SPIDR: variants seen among roughly 807,000 people sequenced by gnomAD.
SPIDR encodes the protein scaffold protein involved in DNA repair, also known as DNA repair-scaffolding protein.
Under a neutral mutation model 104.6 loss-of-function variants are expected in SPIDR, and 93 were observed. The ratio of observed to expected loss-of-function variants is 0.89; its 90% CI spans 0.75 to 1.06. The LOEUF is 1.06. SPIDR is among the 50% of genes least tolerant of loss of function. The probability of loss-of-function intolerance (pLI) is 0.00; values close to 1 mark genes in which losing one functional copy is unlikely to be tolerated. For synonymous variants in SPIDR, 431 were observed against 416.9 expected, an observed-to-expected ratio of 1.03 and a Z score of -0.41; for missense variants, 1,154 against 1,111.2, an observed-to-expected ratio of 1.04 and a Z score of -0.55.
At chr8:47,284,804 C>A (rs2154229423) in intron 3 of SPIDR, among the ~76,000 whole-genome samples, 1 of 152,302 alleles carries the variant, frequency 6.6e-6, no homozygotes, top group African/African-American at 2.4e-5. Flanking sequence ...AAACGGTCAC[C>A]TCCACTAAAG....
chr8:47,284,027 G>A lies in SPIDR; in HGVS notation c.190-1G>A, dbSNP rs1034572201. The A allele has an allele frequency of 1.2e-6, 2 of 1,607,612 alleles. No homozygotes were observed. Among genetic ancestry groups the A allele is most frequent in the Admixed American group, 1.7e-5 (1 of 59,358 alleles). On this transcript the variant is annotated splice_acceptor_variant, in intron 2 of 19. Transcript: ENST00000297423. LOFTEE classifies it high-confidence loss of function. The stretch of plus-strand genomic sequence containing the variant: ...TTCCATGATTATTATTTTGCCTACA[G>A]TCATTAACAGCTGAAGAGAAGACGA...
At chr8:47,319,303 T>A (rs2046041318) in intron 5 of SPIDR, among the ~76,000 whole-genome samples, 1 of 152,130 alleles carries the variant, frequency 6.6e-6, no homozygotes, top group African/African-American at 2.4e-5. Flanking sequence ...TCCTAGTCTC[T>A]GATAAAACAG....
At chr8:47,526,048 A>G (rs1266309873) in intron 8 of SPIDR, among the ~76,000 whole-genome samples, 3 of 152,316 alleles carry the variant, frequency 2.0e-5, no homozygotes, top group Non-Finnish European at 2.9e-5. Flanking sequence ...GCACCAGCCT[A>G]TGTGTCCTTA....
At chr8:47,458,054 T>C (rs1345749930) in intron 8 of SPIDR, among the ~76,000 whole-genome samples, 1 of 152,210 alleles carries the variant, frequency 6.6e-6, no homozygotes, top group East Asian at 1.9e-4. Flanking sequence ...TCTTTTGGCT[T>C]AGTCTTGCTT....
chr8:47,595,081 C>T (rs904320813), intron 8 of SPIDR, among the ~76,000 whole-genome samples: 1 of 152,068 alleles, frequency 6.6e-6, no homozygotes, highest in Non-Finnish European at 1.5e-5. Flanking sequence ...AGGTTTTAGC[C>T]TGTTGGTCTC....
At chr8:47,693,111 G>A (rs2078902293) in intron 11 of SPIDR, among the ~76,000 whole-genome samples, 1 of 152,186 alleles carries the variant, frequency 6.6e-6, no homozygotes, top group African/African-American at 2.4e-5. Flanking sequence ...ATTTGTTGCT[G>A]TCTGCCTAGC....
At chr8:47,356,934 A>G (rs1196906708) in intron 5 of SPIDR, among the ~76,000 whole-genome samples, 4 of 152,070 alleles carry the variant, frequency 2.6e-5, no homozygotes, top group African/African-American at 9.7e-5. Context: ...TTCCTCAATG[A>G]CCCTGTTGAA....
chr8:47,488,143 G>A (rs1288194532), intron 8 of SPIDR, among the ~76,000 whole-genome samples: 3 of 152,102 alleles, frequency 2.0e-5, no homozygotes, highest in African/African-American at 7.2e-5. Flanking sequence ...GAATCAGATA[G>A]ACACAATAAA....
At chr8:47,694,451 G>C (rs536732386) in intron 11 of SPIDR, among the ~76,000 whole-genome samples, 1 of 152,156 alleles carries the variant, frequency 6.6e-6, no homozygotes, top group South Asian at 2.1e-4. Context: ...AAAGATAAGC[G>C]GGGAGGAAAG....
At position 47,673,913 on chromosome 8, in the gene SPIDR, A is replaced by C. The variant is rs2076100023; in HGVS notation, c.1657A>C (p.Lys553Gln). 1 of 1,613,956 alleles carries C rather than the reference A, an allele frequency of 6.2e-7. No homozygotes were observed. Among genetic ancestry groups the C allele is most frequent in the South Asian group, 1.1e-5 (1 of 91,082 alleles). ...EGKSCSLVGMKVLQKVTRGRT... is the reference protein window; with the variant it reads ...EGKSCSLVGMQVLQKVTRGRT... Reference sequence around the variant, plus strand: ...GAAGTCTTGCAGCCTGGTGGGAATGAAGGTTCTACAGAAAGTCACCAGAGG... The same window carrying C: ...GAAGTCTTGCAGCCTGGTGGGAATGCAGGTTCTACAGAAAGTCACCAGAGG... The change falls in exon 11 of 20, where the codon AAG (lysine) becomes CAG (glutamine). Residue 553 changes from lysine to glutamine, a missense_variant. By Grantham distance (53) the Lys-to-Gln change is moderately conservative. Coordinates refer to ENST00000297423, the MANE Select transcript of SPIDR (RefSeq NM_001080394.4).
chr8:47,657,246 C>CAT (rs1488347596), intron 10 of SPIDR, among the ~76,000 whole-genome samples: 1 of 151,788 alleles, frequency 6.6e-6, no homozygotes, highest in Non-Finnish European at 1.5e-5. Flanking sequence ...AAATAAAAGG[C>CAT]ATAATAGCTT....
At chr8:47,299,838 C>T (rs1310807296) in intron 5 of SPIDR, among the ~76,000 whole-genome samples, 3 of 152,154 alleles carry the variant, frequency 2.0e-5, no homozygotes, top group Admixed American at 2.0e-4. Flanking sequence ...TGATGTGCTG[C>T]TGGATTCGGT....
intron 1 of SPIDR, among the ~76,000 whole-genome samples, chr8:47,272,295 T>A (rs1196946353): frequency 6.6e-6 from 1 of 152,158 alleles, no homozygotes; most frequent in Non-Finnish European, 1.5e-5. Flanking sequence ...ACTGGACGTT[T>A]TAAATAGTAT....
intron 12 of SPIDR, among the ~76,000 whole-genome samples, chr8:47,701,372 T>C (rs1250514620): frequency 3.3e-5 from 5 of 152,160 alleles, no homozygotes; most frequent in African/African-American, 9.7e-5. Flanking sequence ...GCAGACGTTG[T>C]AGTGAGCCAA....
chr8:47,519,375 C>T (rs1462952611), intron 8 of SPIDR, among the ~76,000 whole-genome samples: 1 of 152,172 alleles, frequency 6.6e-6, no homozygotes, highest in Non-Finnish European at 1.5e-5. Context: ...AAACTCCTGA[C>T]CTCAGGTGAC....
chr8:47,439,371 G>A (rs1554694696), intron 7 of SPIDR, among the ~76,000 whole-genome samples: 1 of 152,044 alleles, frequency 6.6e-6, no homozygotes, highest in Non-Finnish European at 1.5e-5. Context: ...CATTATAGGT[G>A]TCATACTCTG....
chr8:47,303,374 C>T (rs977559904), intron 5 of SPIDR, among the ~76,000 whole-genome samples: 45 of 152,310 alleles, frequency 3.0e-4, no homozygotes, highest in African/African-American at 1.1e-3. Context: ...AAGGGAATTC[C>T]ATGACCCCTT....
chr8:47,735,103 TGTGTGTGG>T (rs879851317), intron 19 of SPIDR, among the ~76,000 whole-genome samples, 196 bp from the exon 20 acceptor site: 1,973 of 142,244 alleles, frequency 0.014, 22 homozygotes, highest in Non-Finnish European at 0.019. Context: ...TGGGTGTGTG[TGTGTGTGG>T]GTGTGTGTGT....
In SPIDR at chr8:47,503,617, G is replaced by A. The variant is rs374845981; in HGVS notation, c.1097+63075G>A. Among the ~76,000 whole-genome samples the A allele has an allele frequency of 5.5e-4, 83 of 152,184 alleles. No homozygotes were observed. In the East Asian group the frequency reaches 6.4e-3, roughly 12 times the overall value. ...TGCCAGTCTGTGTCTTTTAATTGGC[G>A]CATTTAGCCCATTCACATTTAAGGT... On this transcript the variant is annotated intron_variant, in intron 8 of 19. Coordinates refer to ENST00000297423, the MANE Select transcript of SPIDR (RefSeq NM_001080394.4).
Sources: allele counts gnomAD v4.1 joint callset (sites outside exome capture counted in the v4.1 genomes callset), GRCh38; gene constraint gnomAD v4.1.1; transcripts MANE v1.5; gene names NCBI Gene and HGNC (gene_info 2026-07-23, HGNC 2026-07-21).